The following DHX37 variants were observed in gnomAD, a reference collection of about 807,000 sequenced individuals.
DHX37 encodes the protein probable ATP-dependent RNA helicase DHX37.
In DHX37, 52 loss-of-function variants were observed where a neutral mutation model predicts 134.3. The observed-to-expected ratio is 0.39, with a 90% CI of 0.31 to 0.49. The LOEUF (loss-of-function observed/expected upper bound fraction) is 0.49, where lower values mean the gene tolerates loss of function less well. Among genes scored for constraint, DHX37 ranks in the 20% least tolerant of loss-of-function variants. The pLI is 0.93. For missense variants in DHX37, 1,344 were observed against 1,580.8 expected, an observed-to-expected ratio of 0.85 and a Z score of 2.54; for synonymous variants, 634 against 670.7, an observed-to-expected ratio of 0.95 and a Z score of 0.85.
chr12:124,972,478 C>T, intron 7 of DHX37, 25 bp downstream of exon 7: 1 of 1,613,640 alleles, frequency 6.2e-7, no homozygotes, highest in Non-Finnish European at 8.5e-7. Flanking sequence ...TGGCCTTGCT[C>T]TGTGAGCCAG....
intron 18 of DHX37, 61 bp from the exon 19 acceptor site, chr12:124,954,272 G>T: frequency 6.6e-7 from 1 of 1,513,452 alleles, no homozygotes; most frequent in Non-Finnish European, 8.8e-7. Flanking sequence ...GGCCTCAGCG[G>T]GGGGAACTCC....
intron 2 of DHX37, among the ~76,000 whole-genome samples, chr12:124,985,391 T>G (rs1432884059): frequency 6.6e-6 from 1 of 152,044 alleles, no homozygotes; most frequent in African/African-American, 2.4e-5. Context: ...AATGTTTGAA[T>G]TTCCCTTGCA....
intron 4 of DHX37, 156 bp from the exon 5 acceptor site, chr12:124,977,646 C>A: frequency 2.3e-6 from 1 of 444,292 alleles, no homozygotes; most frequent in Non-Finnish European, 2.9e-6. Flanking sequence ...GAGCCATGGT[C>A]CAGGAGAGAC....
chr12:124,987,987 CTTTTTTTTTTTT>C (rs11349687), intron 1 of DHX37, among the ~76,000 whole-genome samples: 1 of 79,694 alleles, frequency 1.3e-5, no homozygotes, highest in Non-Finnish European at 2.2e-5. Flanking sequence ...GTCTGTGGAA[CTTTTTTTTTTTT>C]TTTTTTTTTT....
intron 6 of DHX37, among the ~76,000 whole-genome samples, chr12:124,973,503 G>A (rs1325429255): frequency 6.6e-6 from 1 of 151,986 alleles, no homozygotes; most frequent in Non-Finnish European, 1.5e-5. Flanking sequence ...AAACAGTGGG[G>A]GGGAGGGGGG....
intron 16 of DHX37, among the ~76,000 whole-genome samples, chr12:124,957,399 G>A (rs1954120556): frequency 6.6e-6 from 1 of 152,234 alleles, no homozygotes; most frequent in Non-Finnish European, 1.5e-5. Context: ...TGCCCCCGCT[G>A]GGTGCTTTTT....
rs778179693 is a variant in DHX37, at chr12:124,986,180, C to G, written c.192G>C (p.Leu64=). 6.2e-7 allele frequency: 1 copy of G among 1,614,202 alleles called. No individual in the cohort carries two copies. The highest frequency in any genetic ancestry group is 1.1e-5 in the South Asian group (1 of 91,082). The stretch of plus-strand genomic sequence containing the variant: ...TCAGAGGCTTCTTCTCCTTCTTCGA[C>G]AGGGGAGGGGCTTTGGTCTTCTTTT... ...KKKKKTKAPP[L]SKKEKKPLTK... is the part of the protein sequence containing the mutation. The change falls in exon 2 of 27, where the codon CTG becomes CTC. Residue 64 remains leucine, a synonymous_variant. Coordinates refer to ENST00000308736, the MANE Select transcript of DHX37 (RefSeq NM_032656.4).
At chr12:124,975,817 A>G (rs1053229147) in intron 5 of DHX37, among the ~76,000 whole-genome samples, 7 of 152,054 alleles carry the variant, frequency 4.6e-5, no homozygotes, top group Non-Finnish European at 8.8e-5. Context: ...AGACACAGGA[A>G]CCCGCCAAGC....
In DHX37 at chr12:124,966,840, G is replaced by T; in HGVS notation, c.1543C>A (p.Arg515=). ...DDQKDSVEEM[R]KFKKSRARAK... is the part of the protein sequence containing the mutation. The stretch of plus-strand genomic sequence containing the variant: ...CTGGCCCTTGACTTCTTAAACTTCC[G>T]CATTTCCTCCACCGAGTCTTTCTGA... Residue 515 remains arginine, a synonymous_variant, in exon 12 of 27, where the codon CGG becomes AGG. Transcript: ENST00000308736. 1 of 1,614,206 alleles carries T rather than the reference G, an allele frequency of 6.2e-7. No homozygotes were observed. Among genetic ancestry groups the T allele is most frequent in the Non-Finnish European group, 8.5e-7 (1 of 1,180,036 alleles).
chr12:124,949,081 G>C lies in DHX37; in HGVS notation c.3291-900C>G, dbSNP rs567382981. On this transcript the variant is annotated intron_variant, in intron 25 of 26. Transcript: ENST00000308736. This position sits in a 1 kb window ranked among gnomAD's most constrained non-coding sequence, Gnocchi z 4.0. ...CCAGCCCAGTCGCACTCCACCCCCT[G>C]CCCACCGAGGCCTCACTCATGTCCT... Among the ~76,000 whole-genome samples the C allele has an allele frequency of 6.6e-6, 1 of 152,112 alleles. No individual in the cohort carries two copies. The highest frequency in any genetic ancestry group is 1.9e-4 in the East Asian group (1 of 5,192).
intron 4 of DHX37, among the ~76,000 whole-genome samples, chr12:124,978,064 G>A (rs796648509): frequency 2.0e-5 from 3 of 152,122 alleles, no homozygotes; most frequent in African/African-American, 7.2e-5. Flanking sequence ...GGGTTCAAGC[G>A]ATTCTCCCGC....
chr12:124,948,292 G>T, intron 25 of DHX37, 111 bp from the exon 26 acceptor site: 1 of 1,469,834 alleles, frequency 6.8e-7, no homozygotes, highest in South Asian at 1.3e-5. Flanking sequence ...CACCCAGGAG[G>T]GTGAAGAGCT....
intron 20 of DHX37, 108 bp downstream of exon 20, chr12:124,953,772 C>T (rs374886542): frequency 3.8e-5 from 56 of 1,468,502 alleles, no homozygotes; most frequent in Non-Finnish European, 4.4e-5. Context: ...CATTTTGGTG[C>T]GTAGCAAGTT....
chr12:124,950,018 G>A lies in DHX37; in HGVS notation c.3258C>T (p.Ser1086=), dbSNP rs754856940. The part of the protein sequence containing the change: ...KLASYRSCLL[S]SPGTMLKTWA... The stretch of plus-strand genomic sequence containing the variant: ...ACGTCTTCAGCATGGTGCCGGGGCT[G>A]GACAGCAGACAGCTCCGGTATGAGG... The change falls in exon 25 of 27, where the codon TCC becomes TCT. Residue 1086 remains serine (S), a synonymous_variant. Transcript: ENST00000308736. The A allele has an allele frequency of 1.9e-6, 3 of 1,613,030 alleles. No individual in the cohort carries two copies. Among genetic ancestry groups the A allele is most frequent in the East Asian group, 4.5e-5 (2 of 44,836 alleles).
chr12:124,979,998 C>T (rs887852591), intron 4 of DHX37, among the ~76,000 whole-genome samples: 5 of 152,234 alleles, frequency 3.3e-5, no homozygotes, highest in Non-Finnish European at 7.3e-5. Flanking sequence ...TTCCATGCCC[C>T]AAATCCTTTC....
At chr12:124,957,410 T>G (rs1954120787) in intron 16 of DHX37, among the ~76,000 whole-genome samples, 1 of 152,226 alleles carries the variant, frequency 6.6e-6, no homozygotes, top group Non-Finnish European at 1.5e-5. Flanking sequence ...GGTGCTTTTT[T>G]CGGTTTTTAA....
intron 2 of DHX37, among the ~76,000 whole-genome samples, chr12:124,985,580 CA>C (rs11327017): frequency 0.64 from 74,336 of 115,836 alleles, 22,083 homozygotes; most frequent in South Asian, 0.78. Flanking sequence ...ACTAAAAATA[CA>C]AAAAAAAAAA....
chr12:124,954,331 GT>G (rs1954044667), intron 18 of DHX37, 120 bp from the exon 19 acceptor site: 2 of 1,404,130 alleles, frequency 1.4e-6, no homozygotes, highest in Admixed American at 5.3e-5. Context: ...ACTGATGAAT[GT>G]AATTAAGGTA....
chr12:124,982,623 G>T lies in DHX37; in HGVS notation c.277C>A (p.Arg93=). ...CTCAGCTTCTGTAGCATCTCTGCTC[G>T]CTGGGAAAGGAAACGAGTGTATTAT... ...ILEQKEKKSQ[R]AEMLQKLSEV... Residue 93 remains arginine (R), a splice_region_variant and synonymous_variant, in exon 3 of 27, where the codon CGA becomes AGA. Coordinates refer to ENST00000308736, the MANE Select transcript of DHX37 (RefSeq NM_032656.4). The T allele has an allele frequency of 1.2e-6, 2 of 1,612,666 alleles. No individual in the cohort carries two copies. The highest frequency in any genetic ancestry group is 2.2e-5 in the East Asian group (1 of 44,808).
Sources: allele counts gnomAD v4.1 joint callset (sites outside exome capture counted in the v4.1 genomes callset), GRCh38; gene constraint gnomAD v4.1.1; non-coding constraint Gnocchi (gnomAD v3.1); transcripts MANE v1.5; gene names NCBI Gene and HGNC (gene_info 2026-07-23, HGNC 2026-07-21).